The following KIAA0040 variants were observed in gnomAD, a reference collection of about 807,000 sequenced individuals.
KIAA0040 encodes KIAA0040.
A neutral mutation model predicts 7.2 loss-of-function variants in KIAA0040; 10 were observed. The ratio of observed to expected loss-of-function variants is 1.38; its 90% CI spans 0.85 to 2.34. The LOEUF is 2.34. Among genes scored for constraint, KIAA0040 ranks in the 30% most tolerant of loss-of-function variants. KIAA0040 has a pLI of 0.00. For missense variants in KIAA0040, 89 were observed against 108.2 expected (o/e 0.82, Z 0.79); for synonymous variants, 49 against 40.1 (o/e 1.22, Z -0.84).
chr1:175,164,086 C>T (rs1676658979), intron 3 of KIAA0040, among the ~76,000 whole-genome samples: 1 of 152,004 alleles, frequency 6.6e-6, no homozygotes, highest in Non-Finnish European at 1.5e-5. Flanking sequence ...AGAAGGGACA[C>T]TAGGAGGTAG....
intron 1 of KIAA0040, among the ~76,000 whole-genome samples, chr1:175,178,142 G>A (rs916132215): frequency 6.6e-6 from 1 of 152,212 alleles, no homozygotes; most frequent in Admixed American, 6.5e-5. Context: ...ACCTACTTGT[G>A]TAGTGGAGCT....
At chr1:175,179,614 C>T (rs1353363511) in intron 1 of KIAA0040, among the ~76,000 whole-genome samples, 1 of 152,182 alleles carries the variant, frequency 6.6e-6, no homozygotes, top group Non-Finnish European at 1.5e-5. Flanking sequence ...GCAATCAGTT[C>T]TCCCTCCTTC....
chr1:175,178,586 G>A (rs1449269349), intron 1 of KIAA0040, among the ~76,000 whole-genome samples: 1 of 152,234 alleles, frequency 6.6e-6, no homozygotes, highest in Non-Finnish European at 1.5e-5. Context: ...AACCGACATA[G>A]TGCTGGAGGG....
At chr1:175,183,423 T>A (rs1677522792) in intron 1 of KIAA0040, among the ~76,000 whole-genome samples, 1 of 152,184 alleles carries the variant, frequency 6.6e-6, no homozygotes, top group Non-Finnish European at 1.5e-5. Context: ...CACATTCACT[T>A]CTGGCACCCC....
At chr1:175,191,182 C>T (rs1677851183) in intron 1 of KIAA0040, among the ~76,000 whole-genome samples, 1 of 152,226 alleles carries the variant, frequency 6.6e-6, no homozygotes, top group South Asian at 2.1e-4. Flanking sequence ...GACTCCAAGG[C>T]CCTGGTATAC....
intron 1 of KIAA0040, among the ~76,000 whole-genome samples, chr1:175,189,910 C>T (rs1025573911): frequency 2.6e-5 from 4 of 152,206 alleles, no homozygotes; most frequent in African/African-American, 9.6e-5. Context: ...CCATGTATCT[C>T]TAGCTCCAAG....
At chr1:175,170,090 T>A (rs967521666) in intron 2 of KIAA0040, among the ~76,000 whole-genome samples, 1 of 152,130 alleles carries the variant, frequency 6.6e-6, no homozygotes, top group Non-Finnish European at 1.5e-5. Context: ...TGAACTGAGA[T>A]CTCGGGGTGC....
At chr1:175,185,470 C>CAACG (rs572470307) in intron 1 of KIAA0040, among the ~76,000 whole-genome samples, 35 of 152,242 alleles carry the variant, frequency 2.3e-4, no homozygotes, top group Non-Finnish European at 4.7e-4. Flanking sequence ...ATCTCTAGGG[C>CAACG]AACGAGAGGT....
intron 3 of KIAA0040, among the ~76,000 whole-genome samples, chr1:175,165,623 C>A (rs757800904): frequency 1.3e-5 from 2 of 152,170 alleles, no homozygotes; most frequent in African/African-American, 4.8e-5. Context: ...GGAGAGCGGT[C>A]GCTTGGGGAA....
intron 1 of KIAA0040, among the ~76,000 whole-genome samples, chr1:175,183,509 T>C (rs1446263785): frequency 6.6e-6 from 1 of 152,152 alleles, no homozygotes; most frequent in African/African-American, 2.4e-5. Flanking sequence ...AGGGTAGGTC[T>C]CCAGCAGGGT....
chr1:175,184,354 C>T (rs548602594), intron 1 of KIAA0040, among the ~76,000 whole-genome samples: 112 of 152,166 alleles, frequency 7.4e-4, no homozygotes, highest in Non-Finnish European at 1.8e-4. Context: ...GGGCATTGGC[C>T]GACCTCACAC....
intron 1 of KIAA0040, among the ~76,000 whole-genome samples, chr1:175,185,946 A>G (rs930665658): frequency 1.3e-5 from 2 of 152,256 alleles, no homozygotes; most frequent in Non-Finnish European, 2.9e-5. Flanking sequence ...AAGGTCACAT[A>G]TTGTATAATT....
chr1:175,177,277 T>G, intron 2 of KIAA0040, among the ~76,000 whole-genome samples: 1 of 152,158 alleles, frequency 6.6e-6, no homozygotes, highest in East Asian at 1.9e-4. Flanking sequence ...CTTGAAGAAA[T>G]AACACATTAG....
chr1:175,169,015 A>G (rs1676881029), intron 2 of KIAA0040, among the ~76,000 whole-genome samples: 1 of 152,190 alleles, frequency 6.6e-6, no homozygotes, highest in Non-Finnish European at 1.5e-5. Flanking sequence ...TTCCTGAATG[A>G]CTGTGTGGAG....
At chr1:175,186,379 C>T (rs1013302564) in intron 1 of KIAA0040, among the ~76,000 whole-genome samples, 1 of 152,194 alleles carries the variant, frequency 6.6e-6, no homozygotes, top group African/African-American at 2.4e-5. Flanking sequence ...TGACCACATG[C>T]CCAGTAGTTT....
At chr1:175,176,711 C>CTTTTTTTTTTTT in intron 2 of KIAA0040, among the ~76,000 whole-genome samples, 1 of 48,352 alleles carries the variant, frequency 2.1e-5, no homozygotes, top group Admixed American at 2.8e-4. Flanking sequence ...GCTTCAGCAC[C>CTTTTTTTTTTTT]TTCTTTCTTT....
At chr1:175,177,039 C>G (rs1194229633) in intron 2 of KIAA0040, among the ~76,000 whole-genome samples, 1 of 152,186 alleles carries the variant, frequency 6.6e-6, no homozygotes, top group Non-Finnish European at 1.5e-5. Context: ...CCATCCATGC[C>G]TGGAGACCTC....
intron 1 of KIAA0040, among the ~76,000 whole-genome samples, chr1:175,180,663 G>A (rs1218946550): frequency 6.6e-6 from 1 of 152,184 alleles, no homozygotes; most frequent in Non-Finnish European, 1.5e-5. Context: ...CAGTGAGGCT[G>A]TCAGGACTAA....
intron 3 of KIAA0040, 81 bp downstream of exon 3, chr1:175,166,481 C>T (rs758437654): frequency 2.0e-5 from 3 of 152,084 alleles, no homozygotes; most frequent in South Asian, 2.1e-4. Flanking sequence ...GCTGAGCAGC[C>T]GACCTTCATT....
Sources: allele counts gnomAD v4.1 joint callset (sites outside exome capture counted in the v4.1 genomes callset), GRCh38; gene constraint gnomAD v4.1.1; transcripts MANE v1.5; gene names NCBI Gene and HGNC (gene_info 2026-07-23, HGNC 2026-07-21).